FBXO21: variants seen among roughly 807,000 people sequenced by gnomAD.
The protein encoded by FBXO21 is F-box protein 21, also known as F-box only protein 21.
Under a neutral mutation model 76.6 loss-of-function variants are expected in FBXO21, and 32 were observed. The ratio of observed to expected loss-of-function variants is 0.42; its 90% CI spans 0.32 to 0.56. The LOEUF (loss-of-function observed/expected upper bound fraction) is 0.56, where lower values mean the gene tolerates loss of function less well. FBXO21 is among the 20% of genes least tolerant of loss of function. The pLI is 0.16. For missense variants in FBXO21, 586 were observed against 797.3 expected (o/e 0.73, Z 3.19); for synonymous variants, 328 against 311.5 (o/e 1.05, Z -0.56).
intron 3 of FBXO21, among the ~76,000 whole-genome samples, chr12:117,181,009 CAT>C (rs1310117330): frequency 6.6e-6 from 1 of 152,210 alleles, no homozygotes; most frequent in Non-Finnish European, 1.5e-5. Flanking sequence ...TTTATACTGA[CAT>C]GTCTTACAGA....
intron 11 of FBXO21, among the ~76,000 whole-genome samples, chr12:117,150,956 TTGTGTGTGTG>T (rs3999685): frequency 0.039 from 3,722 of 94,602 alleles, 101 homozygotes; most frequent in African/African-American, 0.09. Context: ...TCAAATAAGT[TTGTGTGTGTG>T]TGTGTGTGTG....
In FBXO21 at chr12:117,145,957, C is replaced by G; in HGVS notation, c.*130G>C. 6.2e-6 allele frequency: 4 copies of G among 643,974 alleles called. No homozygotes were observed. Among genetic ancestry groups the G allele is most frequent in the Non-Finnish European group, 1.0e-5 (4 of 387,264 alleles). 39.9% of individuals were successfully genotyped at this position (643,974 alleles called of 1,614,324 possible). A position where few individuals can be genotyped will look rare whatever the true frequency, so the allele number is the denominator to read the frequency against. ...GGTATTTAAACTTAGTAGGAGGCAA[C>G]CAGCACTACTGGTGGAGTGGCTTTC... is the stretch of plus-strand genomic sequence containing the variant. On this transcript the variant is annotated 3_prime_UTR_variant, in exon 12 of 12. Coordinates refer to ENST00000622495, the MANE Select transcript of FBXO21 (RefSeq NM_015002.3).
chr12:117,164,262 A>ATCTTT (rs1471008561), intron 9 of FBXO21, among the ~76,000 whole-genome samples: 1 of 148,354 alleles, frequency 6.7e-6, no homozygotes, highest in Non-Finnish European at 1.5e-5. Flanking sequence ...TACAGATGAC[A>ATCTTT]TCTTTTCTTT....
At chr12:117,155,678 G>T in intron 11 of FBXO21, 113 bp downstream of exon 11, 1 of 1,239,106 alleles carries the variant, frequency 8.1e-7, no homozygotes. Flanking sequence ...ATGGGGCGTC[G>T]GCCGCCTCTG....
intron 9 of FBXO21, among the ~76,000 whole-genome samples, chr12:117,160,251 A>G (rs1955962369): frequency 6.6e-6 from 1 of 152,178 alleles, no homozygotes; most frequent in Non-Finnish European, 1.5e-5. Context: ...CTTATTCACA[A>G]AAACAGGCTT....
intron 4 of FBXO21, among the ~76,000 whole-genome samples, chr12:117,175,242 G>T (rs1031906155): frequency 1.3e-5 from 2 of 152,064 alleles, no homozygotes; most frequent in African/African-American, 4.8e-5. Context: ...AGCCCTCCAT[G>T]ACAGATGTGC....
Position 117,143,933 on chromosome 12 carries a change from G to A in FBXO21, c.*2154C>T, listed in dbSNP as rs541582587. ...ACAGGGCTTTTTAAAATGGAGAAAA[G>A]TTTTGGAAAATTTTTAAAAAGAAAC... On this transcript the variant is annotated 3_prime_UTR_variant, in exon 12 of 12. Transcript: ENST00000622495. 6.6e-6 allele frequency: 1 copy of A among 152,632 alleles called. No individual in the cohort carries two copies. The highest frequency in any genetic ancestry group is 6.5e-5 in the Admixed American group (1 of 15,276). The allele number at this position is 152,632 out of a possible 1,614,324, so 9.5% of individuals were successfully genotyped here.
chr12:117,150,685 G>C (rs1402349485), intron 11 of FBXO21, among the ~76,000 whole-genome samples: 1 of 152,246 alleles, frequency 6.6e-6, no homozygotes, highest in African/African-American at 2.4e-5. Context: ...CCTTGTACAC[G>C]TGTGGAGGGA....
At position 117,177,239 on chromosome 12, in the gene FBXO21, T is replaced by C. The variant is rs112011032; in HGVS notation, c.592+281A>G. ...ATTAAAGCTCGGAAAAACAGGAATT[T>C]ACTTCATTAGCTAAAGTATCACTCT... is the stretch of plus-strand genomic sequence containing the variant. On this transcript the variant is annotated intron_variant, in intron 4 of 11. Coordinates refer to ENST00000622495, the MANE Select transcript of FBXO21 (RefSeq NM_015002.3). 4.7e-3 allele frequency among the ~76,000 whole-genome samples: 712 copies of C among 152,378 alleles called. 9 individuals carry two copies. Among genetic ancestry groups the C allele is most frequent in the African/African-American group, 0.016 (681 of 41,600 alleles).
rs188775508 is a variant in FBXO21 at position 117,185,942 on chromosome 12, G to A, written c.470+535C>T. On this transcript the variant is annotated intron_variant, in intron 3 of 11. Transcript: ENST00000622495. ...GTCTGGAGTGCAATGGTGCAATCTC[G>A]GCTCACTGCAACCTCCACCTCCCGG... 7.1e-3 allele frequency among the ~76,000 whole-genome samples: 1,085 copies of A among 152,156 alleles called. 8 individuals carry two copies. Among genetic ancestry groups the A allele is most frequent in the African/African-American group, 0.025 (1,028 of 41,488 alleles).
intron 9 of FBXO21, among the ~76,000 whole-genome samples, chr12:117,162,745 A>G (rs1223210826): frequency 6.6e-6 from 1 of 152,200 alleles, no homozygotes; most frequent in Non-Finnish European, 1.5e-5. Flanking sequence ...CACACTCCGT[A>G]ACAATTTTAT....
Position 117,149,194 on chromosome 12 carries a change from C to T in FBXO21, c.1676-2917G>A, listed in dbSNP as rs542952364. Among the ~76,000 whole-genome samples the T allele has an allele frequency of 5.9e-5, 9 of 152,236 alleles. 1 individual carries two copies. In the South Asian group the frequency reaches 1.9e-3, roughly 32 times the overall value. Reference sequence around the variant, plus strand: ...CTTTTCTTTTTTGTAGAGACAGGGTCTTGCTACGTTGCCCAGGTTGTTTTC... The same window carrying T: ...CTTTTCTTTTTTGTAGAGACAGGGTTTTGCTACGTTGCCCAGGTTGTTTTC... On this transcript the variant is annotated intron_variant, in intron 11 of 11. Transcript: ENST00000622495.
chr12:117,181,810 C>T (rs763149428), intron 3 of FBXO21, among the ~76,000 whole-genome samples: 2 of 152,014 alleles, frequency 1.3e-5, no homozygotes, highest in African/African-American at 4.8e-5. Flanking sequence ...CCACCATGCC[C>T]GGCTAATTTT....
intron 9 of FBXO21, among the ~76,000 whole-genome samples, chr12:117,158,671 T>C (rs1955944484): frequency 6.6e-6 from 1 of 152,206 alleles, no homozygotes; most frequent in Non-Finnish European, 1.5e-5. Flanking sequence ...GGGAGCCACG[T>C]ATATCAGAGT....
intron 10 of FBXO21, among the ~76,000 whole-genome samples, chr12:117,157,582 C>T (rs1022516841): frequency 6.6e-6 from 1 of 152,184 alleles, no homozygotes; most frequent in Non-Finnish European, 1.5e-5. Context: ...TACAAAGTTA[C>T]TTCCATGTTC....
chr12:117,156,059 T>C, intron 10 of FBXO21, 111 bp from the exon 11 acceptor site: 1 of 980,124 alleles, frequency 1.0e-6, no homozygotes, highest in Non-Finnish European at 1.6e-6. Context: ...TACTCCACGG[T>C]GAATCATTTT....
In FBXO21 at chr12:117,142,847, G is replaced by A. The variant is rs1486826178; in HGVS notation, c.*3240C>T. 4 of 152,146 alleles carry A rather than the reference G, an allele frequency of 2.6e-5. No homozygotes were observed. The highest frequency in any genetic ancestry group is 5.9e-5 in the Non-Finnish European group (4 of 68,030). 9.4% of individuals were successfully genotyped at this position (152,146 alleles called of 1,614,324 possible). A position where few individuals can be genotyped will look rare whatever the true frequency, so the allele number is the denominator to read the frequency against. ...GCGACATCAGCAGCAGAAAGCCTGCGACACGGCAGCTCTGCTCAGTTTTCT... is the reference window on the plus strand; with the variant it reads ...GCGACATCAGCAGCAGAAAGCCTGCAACACGGCAGCTCTGCTCAGTTTTCT... On this transcript the variant is annotated 3_prime_UTR_variant, in exon 12 of 12. Coordinates refer to ENST00000622495, the MANE Select transcript of FBXO21 (RefSeq NM_015002.3).
rs376841463 is a variant in FBXO21 at position 117,146,098 on chromosome 12, T to C, written c.1855A>G (p.Ile619Val). 13 of 1,600,974 alleles carry C rather than the reference T, an allele frequency of 8.1e-6. No homozygotes were observed. The highest frequency in any genetic ancestry group is 1.1e-5 in the Non-Finnish European group (13 of 1,175,198). ...QNIYSAKKEN[I>V]DE ...GTCCTCTCTAGACTTTACTCATCTA[T>C]GTTCTCTTTCTTTGCACTGTAAATA... Residue 619 changes from isoleucine to valine, a missense_variant, in exon 12 of 12, where the codon ATA (isoleucine) becomes GTA (valine). Coordinates refer to ENST00000622495, the MANE Select transcript of FBXO21 (RefSeq NM_015002.3).
chr12:117,155,985 C>G, intron 10 of FBXO21, 37 bp from the exon 11 acceptor site: 1 of 1,602,018 alleles, frequency 6.2e-7, no homozygotes, highest in South Asian at 1.1e-5. Flanking sequence ...TCCCTGCAGA[C>G]CCGGCCGCAA....
Sources: gnomAD v4.1 joint callset for allele counts (sites outside exome capture counted in the v4.1 genomes callset) on GRCh38, gnomAD v4.1.1 for gene constraint, MANE v1.5 for transcripts, NCBI Gene and HGNC (gene_info 2026-07-23, HGNC 2026-07-21) for gene names.